Variants in FAM107B observed in about 807,000 individuals in gnomAD.
FAM107B encodes the protein protein FAM107B.
A neutral mutation model predicts 31.5 loss-of-function variants in FAM107B; 21 were observed. That is an observed-to-expected ratio of 0.67 (90% confidence interval 0.47 to 0.96). The LOEUF (loss-of-function observed/expected upper bound fraction) is 0.96, where lower values mean the gene tolerates loss of function less well. FAM107B is among the 40% of genes least tolerant of loss of function. The probability of loss-of-function intolerance (pLI) is 0.00; values close to 1 mark genes in which losing one functional copy is unlikely to be tolerated. For synonymous variants in FAM107B, 157 were observed against 141.5 expected, an observed-to-expected ratio of 1.11 and a Z score of -0.78; for missense variants, 452 against 377.1, an observed-to-expected ratio of 1.20 and a Z score of -1.64.
intron 2 of FAM107B, among the ~76,000 whole-genome samples, chr10:14,660,108 C>T (rs1399362435): frequency 6.6e-6 from 1 of 152,056 alleles, no homozygotes; most frequent in Non-Finnish European, 1.5e-5. Context: ...CTGATGAAAC[C>T]CTTTGACCAT....
intron 2 of FAM107B, among the ~76,000 whole-genome samples, chr10:14,579,773 C>G (rs1851575399): frequency 6.6e-6 from 1 of 152,168 alleles, no homozygotes; most frequent in Non-Finnish European, 1.5e-5. Flanking sequence ...TGCCTGTAAT[C>G]CCAGCATTTG....
chr10:14,572,318 C>T lies in FAM107B; in HGVS notation c.470-41803G>A, dbSNP rs111842629. The stretch of plus-strand genomic sequence containing the variant: ...TCCTCTACTTGTAAGCAAATATGCA[C>T]GCAGACTCTCCAGCCCTGGGTGGGT... On this transcript the variant is annotated intron_variant, in intron 2 of 4. Coordinates refer to ENST00000181796, the MANE Select transcript of FAM107B (RefSeq NM_031453.4). 2,026 of 985,412 alleles carry T rather than the reference C, an allele frequency of 2.1e-3. 10 individuals are homozygous for T. Among genetic ancestry groups the T allele is most frequent in the African/African-American group, 0.018 (1,033 of 57,318 alleles). The allele number at this position is 985,412 out of a possible 1,614,324, so 61.0% of individuals were successfully genotyped here.
At chr10:14,534,300 G>T (rs545385568) in intron 2 of FAM107B, among the ~76,000 whole-genome samples, 1 of 152,112 alleles carries the variant, frequency 6.6e-6, no homozygotes, top group Non-Finnish European at 1.5e-5. Flanking sequence ...TTGAGTCTTT[G>T]TACTCAGGGC....
At chr10:14,649,844 A>C (rs2131444952) in intron 2 of FAM107B, among the ~76,000 whole-genome samples, 1 of 152,222 alleles carries the variant, frequency 6.6e-6, no homozygotes, top group South Asian at 2.1e-4. Context: ...TTTTTTATAG[A>C]GTTTGACTCT....
intron 1 of FAM107B, among the ~76,000 whole-genome samples, chr10:14,687,126 A>G (rs986583524): frequency 6.6e-6 from 1 of 152,220 alleles, no homozygotes; most frequent in Non-Finnish European, 1.5e-5. Flanking sequence ...TTTTCTAAAT[A>G]ATGTGCTTCC....
intron 2 of FAM107B, among the ~76,000 whole-genome samples, chr10:14,592,337 T>C (rs1259177938): frequency 6.6e-6 from 1 of 152,168 alleles, no homozygotes; most frequent in African/African-American, 2.4e-5. Flanking sequence ...GCTGGAAATT[T>C]TTGCCAGCAG....
intron 2 of FAM107B, among the ~76,000 whole-genome samples, chr10:14,648,351 A>C (rs553677939): frequency 2.0e-5 from 3 of 152,358 alleles, no homozygotes; most frequent in African/African-American, 7.2e-5. Flanking sequence ...GAGGGGAAAC[A>C]AAAAGCCCGG....
At chr10:14,538,313 A>T (rs1847848500) in intron 2 of FAM107B, among the ~76,000 whole-genome samples, 1 of 152,200 alleles carries the variant, frequency 6.6e-6, no homozygotes, top group African/African-American at 2.4e-5. Context: ...AGGCAACTCA[A>T]ATGTCCACTA....
chr10:14,629,445 ATTATATATATATT>A (rs1282619055), intron 2 of FAM107B, among the ~76,000 whole-genome samples: 2 of 17,096 alleles, frequency 1.2e-4, no homozygotes, highest in African/African-American at 5.8e-4. Flanking sequence ...TTATATATAT[ATTATATATATATT>A]ATATATATAT....
intron 2 of FAM107B, among the ~76,000 whole-genome samples, chr10:14,572,722 CA>C (rs1226464805): frequency 0.035 from 1,871 of 53,326 alleles, 111 homozygotes; most frequent in East Asian, 0.23. Context: ...CCCATCTCTT[CA>C]AAAAAAAAAA....
intron 1 of FAM107B, among the ~76,000 whole-genome samples, chr10:14,713,021 C>T (rs543063582): frequency 1.3e-5 from 2 of 152,230 alleles, no homozygotes; most frequent in African/African-American, 4.8e-5. Flanking sequence ...TCAGGGTGAC[C>T]CTGCTCCTCC....
Position 14,746,132 on chromosome 10 carries a change from T to A in FAM107B, c.411+28121A>T, listed in dbSNP as rs1832723129. Among the ~76,000 whole-genome samples, 4 of 152,336 alleles carry A rather than the reference T, an allele frequency of 2.6e-5. No individual in the cohort carries two copies. The South Asian group carries it at 8.3e-4, about 32-fold the overall frequency. The stretch of plus-strand genomic sequence containing the variant: ...CTAGAATTGCAACCCTGCTTTTTTC[T>A]GGTTGTCATTTGCTTGATAAATTTT... On this transcript the variant is annotated intron_variant, in intron 1 of 4. Transcript: ENST00000181796.
At chr10:14,598,226 G>A (rs1052281467) in intron 2 of FAM107B, among the ~76,000 whole-genome samples, 3 of 152,132 alleles carry the variant, frequency 2.0e-5, no homozygotes, top group African/African-American at 7.2e-5. Context: ...TTTTAGCGTG[G>A]CAGCCGCGTA....
At chr10:14,571,138 T>G (rs1564578325) in intron 2 of FAM107B, among the ~76,000 whole-genome samples, 1 of 152,122 alleles carries the variant, frequency 6.6e-6, no homozygotes, top group Admixed American at 6.5e-5. Context: ...TGTCCTCACA[T>G]GGTGGACAGC....
At chr10:14,523,361 A>G (rs1234489227) in intron 3 of FAM107B, among the ~76,000 whole-genome samples, 2 of 152,358 alleles carry the variant, frequency 1.3e-5, no homozygotes, top group African/African-American at 4.8e-5. Context: ...AAGCGCTTTC[A>G]ATTTCAGGCA....
chr10:14,702,822 A>T (rs1855431738), intron 1 of FAM107B, among the ~76,000 whole-genome samples: 1 of 152,166 alleles, frequency 6.6e-6, no homozygotes, highest in African/African-American at 2.4e-5. Context: ...ATCAACAGAC[A>T]CTGGAAGAGG....
At chr10:14,563,367 A>C (rs1850401716) in intron 2 of FAM107B, among the ~76,000 whole-genome samples, 2 of 152,230 alleles carry the variant, frequency 1.3e-5, no homozygotes, top group South Asian at 4.1e-4. Context: ...ATTTTGATAC[A>C]TTTCCTTTCA....
intron 2 of FAM107B, among the ~76,000 whole-genome samples, chr10:14,543,507 A>G (rs1848422331): frequency 6.6e-6 from 1 of 151,912 alleles, no homozygotes; most frequent in Admixed American, 6.6e-5. Flanking sequence ...AGGAGTTGAA[A>G]TCAGCCCGTT....
intron 2 of FAM107B, among the ~76,000 whole-genome samples, chr10:14,658,369 AG>A (rs1484649066): frequency 6.6e-6 from 1 of 152,212 alleles, no homozygotes; most frequent in African/African-American, 2.4e-5. Context: ...CTCAGGACAA[AG>A]GAAGTCTATT....
Sources: gnomAD v4.1 joint callset for allele counts (sites outside exome capture counted in the v4.1 genomes callset) on GRCh38, gnomAD v4.1.1 for gene constraint, MANE v1.5 for transcripts, NCBI Gene and HGNC (gene_info 2026-07-23, HGNC 2026-07-21) for gene names.